CARM1: variants seen among roughly 807,000 people sequenced by gnomAD.
CARM1 encodes coactivator associated arginine methyltransferase 1.
Under a neutral mutation model 72.7 loss-of-function variants are expected in CARM1, and 14 were observed. The observed-to-expected ratio is 0.19, with a 90% CI of 0.13 to 0.30. CARM1 has a LOEUF of 0.30. Ranked by LOEUF, CARM1 falls within the 10% of genes least tolerant of loss-of-function variation. CARM1 has a pLI of 1.00. For synonymous variants in CARM1, 333 were observed against 345.5 expected (o/e 0.96, Z 0.40); for missense variants, 432 against 833.7 (o/e 0.52, Z 5.93).
chr19:10,879,993 G>A (rs964124475), intron 1 of CARM1, among the ~76,000 whole-genome samples: 1 of 152,214 alleles, frequency 6.6e-6, no homozygotes, highest in Non-Finnish European at 1.5e-5. Context: ...TGTGTAGGGG[G>A]TCTGGATGAG....
chr19:10,893,278 C>G (rs947218268), intron 1 of CARM1, among the ~76,000 whole-genome samples: 10 of 152,002 alleles, frequency 6.6e-5, no homozygotes, highest in Non-Finnish European at 7.4e-5. Flanking sequence ...CTCACATGAT[C>G]CACCTGCTTC....
At position 10,920,605 on chromosome 19, in the gene CARM1, G is replaced by A. The variant is rs1461503374; in HGVS notation, c.1334+32G>A. ...CTGCTCCCTGGGGCTGGTGGTGGTGGGCAGGGGTCCATCTGCCCAGCAGCT... is the reference window on the plus strand; with the variant it reads ...CTGCTCCCTGGGGCTGGTGGTGGTGAGCAGGGGTCCATCTGCCCAGCAGCT... On this transcript the variant is annotated intron_variant, in intron 11 of 15. Coordinates refer to ENST00000327064, the MANE Select transcript of CARM1 (RefSeq NM_199141.2). The surrounding 1 kb of genome is among the most constrained non-coding windows in gnomAD (Gnocchi z 5.3). 3.1e-6 allele frequency: 5 copies of A among 1,613,928 alleles called. No individual in the cohort carries two copies. In the African/African-American group the frequency reaches 6.7e-5, roughly 22 times the overall value.
chr19:10,909,894 A>G (rs918889590), intron 4 of CARM1, among the ~76,000 whole-genome samples: 102 of 152,082 alleles, frequency 6.7e-4, no homozygotes, highest in African/African-American at 2.4e-3. Context: ...CTTCTTCAAG[A>G]TTTTTCCCCA....
At position 10,874,225 on chromosome 19, in the gene CARM1, A is replaced by G. The variant is rs2073845231; in HGVS notation, c.220+2303A>G. Among the ~76,000 whole-genome samples the G allele has an allele frequency of 3.3e-5, 5 of 151,826 alleles. No homozygotes were observed. The South Asian group carries it at 1.0e-3, about 32-fold the overall frequency. ...TCCTGCCTCCCAGAATGCTGGGATT[A>G]CAGGTGTGAGCCACCCCACCTGACC... On this transcript the variant is annotated intron_variant, in intron 1 of 15. Coordinates refer to ENST00000327064, the MANE Select transcript of CARM1 (RefSeq NM_199141.2).
rs2073822251 is a variant in CARM1 at position 10,871,979 on chromosome 19, G to A, written c.220+57G>A. 5.2e-6 allele frequency: 6 copies of A among 1,155,666 alleles called. No individual in the cohort carries two copies. Among genetic ancestry groups the A allele is most frequent in the Non-Finnish European group, 5.3e-6 (5 of 936,862 alleles). The allele number at this position is 1,155,666 out of a possible 1,614,324, so 71.6% of individuals were successfully genotyped here. A position where few individuals can be genotyped will look rare whatever the true frequency, so the allele number is the denominator to read the frequency against. On this transcript the variant is annotated intron_variant, in intron 1 of 15. Coordinates refer to ENST00000327064, the MANE Select transcript of CARM1 (RefSeq NM_199141.2). The surrounding 1 kb of genome is among the most constrained non-coding windows in gnomAD (Gnocchi z 5.6). Reference sequence around the variant, plus strand: ...CCGGGGCTGCTCACGAGGCCGGCCCGGGGCGGGGGCCGGCGGGGAGGGGCC... The same window carrying A: ...CCGGGGCTGCTCACGAGGCCGGCCCAGGGCGGGGGCCGGCGGGGAGGGGCC...
rs1268474500 is a variant in CARM1 at position 10,915,069 on chromosome 19, G to C, written c.847+1015G>C. Among the ~76,000 whole-genome samples the C allele has an allele frequency of 6.6e-6, 1 of 152,224 alleles. No individual in the cohort carries two copies. Among genetic ancestry groups the C allele is most frequent in the Admixed American group, 6.5e-5 (1 of 15,288 alleles). ...GGGCAGCAGCAGGCTGGTGGGGCTT[G>C]TGCAGGCAGGGGCAGGGGGGAAGCT... is the stretch of plus-strand genomic sequence containing the variant. On this transcript the variant is annotated intron_variant, in intron 6 of 15. Transcript: ENST00000327064. The surrounding 1 kb of genome is among the most constrained non-coding windows in gnomAD (Gnocchi z 4.6).
intron 1 of CARM1, among the ~76,000 whole-genome samples, chr19:10,902,971 C>T (rs931710676): frequency 1.3e-5 from 2 of 152,038 alleles, no homozygotes; most frequent in Non-Finnish European, 2.9e-5. Flanking sequence ...AATAGTTCTC[C>T]TAAGAGTTTT....
chr19:10,899,925 T>A (rs2074052231), intron 1 of CARM1, among the ~76,000 whole-genome samples: 1 of 152,114 alleles, frequency 6.6e-6, no homozygotes, highest in Non-Finnish European at 1.5e-5. Context: ...TTTGCCATGT[T>A]GGACAGGTGT....
At chr19:10,904,310 C>A (rs775509893) in intron 1 of CARM1, among the ~76,000 whole-genome samples, 6 of 152,260 alleles carry the variant, frequency 3.9e-5, no homozygotes, top group Admixed American at 2.6e-4. Context: ...CCTGATTGGG[C>A]TGGCCCGTTC....
intron 2 of CARM1, 137 bp from the exon 3 acceptor site, chr19:10,907,902 T>C: frequency 1.6e-6 from 1 of 607,320 alleles, no homozygotes; most frequent in Non-Finnish European, 3.0e-6. Context: ...AAATTGTTTT[T>C]CGGGGAAGAG....
intron 1 of CARM1, among the ~76,000 whole-genome samples, chr19:10,884,467 C>T (rs989979996): frequency 1.3e-5 from 2 of 151,802 alleles, no homozygotes; most frequent in Non-Finnish European, 2.9e-5. Context: ...GATTACAGGC[C>T]TGAGTCACTG....
chr19:10,878,301 A>C (rs546091427), intron 1 of CARM1, among the ~76,000 whole-genome samples: 2 of 152,326 alleles, frequency 1.3e-5, no homozygotes, highest in East Asian at 3.9e-4. Flanking sequence ...GGCCCGAGGC[A>C]GGGGAAGCTT....
intron 1 of CARM1, among the ~76,000 whole-genome samples, chr19:10,884,676 C>T (rs971484336): frequency 1.3e-5 from 2 of 152,088 alleles, no homozygotes; most frequent in African/African-American, 4.8e-5. Flanking sequence ...TGTGTCTCCT[C>T]TGGTGTTGAT....
chr19:10,879,836 A>G (rs893967481), intron 1 of CARM1, among the ~76,000 whole-genome samples: 37 of 152,022 alleles, frequency 2.4e-4, no homozygotes, highest in African/African-American at 8.9e-4. Flanking sequence ...GCTGGTCTTG[A>G]ACTCCTGACC....
intron 1 of CARM1, among the ~76,000 whole-genome samples, chr19:10,890,255 T>G (rs1461947833): frequency 7.1e-6 from 1 of 140,356 alleles, no homozygotes; most frequent in African/African-American, 2.6e-5. Flanking sequence ...GTTTTTTTGT[T>G]TTTTGTTTTG....
intron 1 of CARM1, among the ~76,000 whole-genome samples, chr19:10,886,542 T>A (rs996890886): frequency 1.4e-5 from 2 of 148,018 alleles, no homozygotes; most frequent in Admixed American, 6.7e-5. Flanking sequence ...TTTTTAGAGA[T>A]GGGGGCTGGG....
In CARM1 at chr19:10,873,441, A is replaced by G. The variant is rs1450955458; in HGVS notation, c.220+1519A>G. 2.0e-5 allele frequency among the ~76,000 whole-genome samples: 3 copies of G among 151,628 alleles called. No individual in the cohort carries two copies. The Admixed American group carries it at 2.0e-4, about 10-fold the overall frequency. ...AAACCCCGTCTCTACTAAAAATACAAAACAGCGGGGTGTGGTGACATGTGC... is the reference window on the plus strand; with the variant it reads ...AAACCCCGTCTCTACTAAAAATACAGAACAGCGGGGTGTGGTGACATGTGC... On this transcript the variant is annotated intron_variant, in intron 1 of 15. Transcript: ENST00000327064.
In CARM1 at chr19:10,919,889, A is replaced by T. The variant is rs201764747; in HGVS notation, c.1119A>T (p.Pro373=). Residue 373 remains proline (P), a synonymous_variant, in exon 10 of 16, where the codon CCA becomes CCT. Transcript: ENST00000327064. ...KEGDLHRIEI[P]FKFHMLHSGL... is the part of the protein sequence containing the mutation. ...CTTTGCCTTCCAGGATAGAAATCCC[A>T]TTCAAATTCCACATGCTGCATTCAG... 6.2e-7 allele frequency: 1 copy of T among 1,614,002 alleles called. No individual in the cohort carries two copies. The highest frequency in any genetic ancestry group is 8.5e-7 in the Non-Finnish European group (1 of 1,179,856).
intron 1 of CARM1, among the ~76,000 whole-genome samples, chr19:10,901,749 C>G (rs2074067687): frequency 6.6e-6 from 1 of 152,152 alleles, no homozygotes; most frequent in Non-Finnish European, 1.5e-5. Flanking sequence ...CAAAACCAGC[C>G]TGGCCAACAT....
Sources: gnomAD v4.1 joint callset for allele counts (sites outside exome capture counted in the v4.1 genomes callset) on GRCh38, gnomAD v4.1.1 for gene constraint, Gnocchi (gnomAD v3.1) non-coding constraint, MANE v1.5 for transcripts, NCBI Gene and HGNC (gene_info 2026-07-23, HGNC 2026-07-21) for gene names.